The following CCNI variants were observed in gnomAD, a reference collection of about 807,000 sequenced individuals.
CCNI encodes cyclin-I.
A neutral mutation model predicts 34.1 loss-of-function variants in CCNI; 14 were observed. That is an observed-to-expected ratio of 0.41 (90% CI 0.27 to 0.64). The LOEUF (loss-of-function observed/expected upper bound fraction) is 0.64, where lower values mean the gene tolerates loss of function less well. CCNI is among the 30% of genes least tolerant of loss of function. The pLI is 0.31. For synonymous variants in CCNI, 154 were observed against 158.4 expected, an observed-to-expected ratio of 0.97 and a Z score of 0.21; for missense variants, 385 against 440.5, an observed-to-expected ratio of 0.87 and a Z score of 1.13.
rs189118731 is a variant in CCNI at position 77,050,480 on chromosome 4, G to C, written c.691-1818C>G. On this transcript the variant is annotated intron_variant, in intron 6 of 6. Transcript: ENST00000237654. The stretch of plus-strand genomic sequence containing the variant: ...ATACCAGAGGAAAGAATGGTAAAAG[G>C]CTGATGTTAGTCATTGTATAATACA... Among the ~76,000 whole-genome samples, 4 of 152,212 alleles carry C rather than the reference G, an allele frequency of 2.6e-5. No homozygotes were observed. In the East Asian group the frequency reaches 7.7e-4, roughly 29 times the overall value.
chr4:77,074,002 T>TC (rs1374835602), intron 1 of CCNI, among the ~76,000 whole-genome samples: 1 of 152,070 alleles, frequency 6.6e-6, no homozygotes, highest in Non-Finnish European at 1.5e-5. Flanking sequence ...GCCCTTTTTT[T>TC]CTAGTTTTTT....
In CCNI at chr4:77,055,389, C is replaced by A. The variant is rs181669085; in HGVS notation, c.460-9G>T. Reference sequence around the variant, plus strand: ...ACTGCAATGGCATGGAACTGAAAATCACAAGAACATCATTTTAACTTTATT... The same window carrying A: ...ACTGCAATGGCATGGAACTGAAAATAACAAGAACATCATTTTAACTTTATT... On this transcript the variant is annotated splice_polypyrimidine_tract_variant and intron_variant, in intron 5 of 6. Transcript: ENST00000237654. 1.9e-6 allele frequency: 3 copies of A among 1,546,354 alleles called. No individual in the cohort carries two copies. Among genetic ancestry groups the A allele is most frequent in the East Asian group, 4.5e-5 (2 of 44,456 alleles).
At chr4:77,054,697 C>T (rs562079474) in intron 6 of CCNI, among the ~76,000 whole-genome samples, 4 of 152,334 alleles carry the variant, frequency 2.6e-5, no homozygotes, top group African/African-American at 9.6e-5. Context: ...AGAAAAGTGG[C>T]TTCTACCTGC....
Position 77,066,277 on chromosome 4 carries a change from A to G in CCNI, c.86T>C (p.Val29Ala), listed in dbSNP as rs746723411. 6.2e-7 allele frequency: 1 copy of G among 1,613,930 alleles called. No homozygotes were observed. The highest frequency in any genetic ancestry group is 1.3e-5 in the African/African-American group (1 of 74,922). Residue 29 changes from valine to alanine, a missense_variant, in exon 2 of 7, where the codon GTG (valine) becomes GCG (alanine). Val to Ala is a moderately conservative substitution (Grantham distance 64, BLOSUM62 0). Transcript: ENST00000237654. Reference protein sequence around the residue: ...AITREAQMWKVNVRKMPSNQN... With the variant: ...AITREAQMWKANVRKMPSNQN... ...ATTTGAAGGCATTTTCCGCACATTCACTTTCCACATCTGTGCTTCCCTAGT... is the reference window on the plus strand; with the variant it reads ...ATTTGAAGGCATTTTCCGCACATTCGCTTTCCACATCTGTGCTTCCCTAGT...
rs771151319 is a variant in CCNI at position 77,048,631 on chromosome 4, T to G, written c.722A>C (p.Glu241Ala). ...AGTAGAAAGGTGATGTGCCACAAGC[T>G]CCCGACAATGGATCAACTGGGAGCT... The part of the protein sequence containing the change: ...MDSSQLIHCR[E>A]LVAHHLSTLQ... The change falls in exon 7 of 7, where the codon GAG becomes GCG. Residue 241 changes from glutamate to alanine, a missense_variant. This residue lies in a region of CCNI where 250 missense variants were observed against 248.7 expected (regional missense o/e 1.01). Transcript: ENST00000237654. 3.2e-6 allele frequency: 5 copies of G among 1,548,956 alleles called. No individual in the cohort carries two copies. The South Asian group carries it at 6.1e-5, about 19-fold the overall frequency.
In CCNI at chr4:77,048,449, C is replaced by T; in HGVS notation, c.904G>A (p.Gly302Ser). ...AGATGATGGTAAAAGGCTGCTGTAC[C>T]TCTGACTGGCACTTCTGGCTTGCTG... ...DNSKPEVPVR[G>S]TAAFYHHLPA... Residue 302 changes from glycine (G) to serine (S), a missense_variant, in exon 7 of 7, where the codon GGT (glycine) becomes AGT (serine). Physicochemically the swap from Gly to Ser is moderately conservative, Grantham distance 56 (BLOSUM62 0). Transcript: ENST00000237654. 6.2e-7 allele frequency: 1 copy of T among 1,614,092 alleles called. No individual in the cohort carries two copies. Among genetic ancestry groups the T allele is most frequent in the East Asian group, 2.2e-5 (1 of 44,884 alleles).
intron 1 of CCNI, among the ~76,000 whole-genome samples, chr4:77,070,325 C>CTT (rs368351303): frequency 0.042 from 6,002 of 144,414 alleles, 176 homozygotes; most frequent in East Asian, 0.088. Flanking sequence ...CCCTCATTAG[C>CTT]TTTTTTTTTT....
intron 1 of CCNI, among the ~76,000 whole-genome samples, chr4:77,070,326 T>C (rs1050188072): frequency 8.6e-6 from 1 of 116,686 alleles, no homozygotes; most frequent in Non-Finnish European, 1.6e-5. Context: ...CCTCATTAGC[T>C]TTTTTTTTTT....
intron 2 of CCNI, among the ~76,000 whole-genome samples, chr4:77,058,884 T>TCAAATATCTG (rs1211858127): frequency 6.6e-6 from 1 of 152,146 alleles, no homozygotes; most frequent in Non-Finnish European, 1.5e-5. Context: ...CAAATATCCA[T>TCAAATATCTG]AGTTGAATTA....
intron 6 of CCNI, among the ~76,000 whole-genome samples, chr4:77,051,954 GT>G (rs374549894): frequency 0.017 from 2,355 of 141,270 alleles, 55 homozygotes; most frequent in African/African-American, 0.055. Flanking sequence ...CTGTTTTTTT[GT>G]TTTTTTTTTT....
At chr4:77,075,378 C>G (rs1333693640) in intron 1 of CCNI, 94 bp downstream of exon 1, 18 of 394,152 alleles carry the variant, frequency 4.6e-5, no homozygotes, top group Non-Finnish European at 5.9e-5. Context: ...AGGGCGCTGC[C>G]ACGGGGGCGG....
chr4:77,062,854 G>T (rs1728705638), intron 2 of CCNI, among the ~76,000 whole-genome samples: 2 of 152,172 alleles, frequency 1.3e-5, no homozygotes, highest in Admixed American at 6.5e-5. Flanking sequence ...TCATGAACTT[G>T]AAAGTACTAT....
At chr4:77,072,460 A>G in intron 1 of CCNI, among the ~76,000 whole-genome samples, 1 of 144,532 alleles carries the variant, frequency 6.9e-6, no homozygotes, top group South Asian at 2.1e-4. Context: ...ACCAAAAAAA[A>G]AAAAAAAAAA....
In CCNI at chr4:77,059,044, G is replaced by A. The variant is rs527750669; in HGVS notation, c.115-409C>T. 3.7e-4 allele frequency among the ~76,000 whole-genome samples: 56 copies of A among 152,108 alleles called. 2 individuals are homozygous for A. The South Asian group carries it at 0.011, about 31-fold the overall frequency. On this transcript the variant is annotated intron_variant, in intron 2 of 6. Coordinates refer to ENST00000237654, the MANE Select transcript of CCNI (RefSeq NM_006835.3). ...GCAAGTAGCCATTAACTTATCTTAGGAAATATAAATGAACTATGATAATGG... is the reference window on the plus strand; with the variant it reads ...GCAAGTAGCCATTAACTTATCTTAGAAAATATAAATGAACTATGATAATGG...
chr4:77,067,427 C>T (rs1482443842), intron 1 of CCNI, among the ~76,000 whole-genome samples: 1 of 152,094 alleles, frequency 6.6e-6, no homozygotes, highest in Non-Finnish European at 1.5e-5. Flanking sequence ...AAATGAGCAG[C>T]ATGTCTAAAT....
At position 77,055,338 on chromosome 4, in the gene CCNI, T is replaced by C; in HGVS notation, c.502A>G (p.Ser168Gly). The change falls in exon 6 of 7, where the codon AGT becomes GGT. Residue 168 changes from serine (S) to glycine (G), a missense_variant. Transcript: ENST00000237654. ...TGAGATGGGCTCAATTTGGGCAAAC[T>C]GAAAAGTAACTGAGGCCTAGTTGAC... ...AVSTRPQLLF[S>G]LPKLSPSQHL... 4 of 1,614,196 alleles carry C rather than the reference T, an allele frequency of 2.5e-6. No homozygotes were observed. The South Asian group carries it at 3.3e-5, about 13-fold the overall frequency.
At chr4:77,071,015 A>G (rs1729426682) in intron 1 of CCNI, among the ~76,000 whole-genome samples, 1 of 152,174 alleles carries the variant, frequency 6.6e-6, no homozygotes, top group Non-Finnish European at 1.5e-5. Flanking sequence ...CTACAACCAA[A>G]TGGATCCACC....
At chr4:77,048,688 C>T (rs376947384) in intron 6 of CCNI, 26 bp from the exon 7 acceptor site, 73 of 1,479,364 alleles carry the variant, frequency 4.9e-5, no homozygotes, top group Non-Finnish European at 6.5e-5. Context: ...AAAAAAGCCA[C>T]ACACAGTTGA....
chr4:77,070,458 G>C (rs912473529), intron 1 of CCNI, among the ~76,000 whole-genome samples: 3 of 149,418 alleles, frequency 2.0e-5, no homozygotes, highest in East Asian at 3.9e-4. Context: ...CATTGTGTGC[G>C]AGGTTTGGGT....
Sources: allele counts gnomAD v4.1 joint callset (sites outside exome capture counted in the v4.1 genomes callset), GRCh38; gene constraint gnomAD v4.1.1; regional missense constraint gnomAD v4.1.1; transcripts MANE v1.5; gene names NCBI Gene and HGNC (gene_info 2026-07-23, HGNC 2026-07-21).